HDAC9: variants seen among roughly 807,000 people sequenced by gnomAD.
HDAC9 encodes MEF-2 interacting transcription repressor (MITR) protein.
HDAC9 carries 41 observed loss-of-function variants against 139.4 expected under a neutral mutation model. The ratio of observed to expected loss-of-function variants is 0.29; its 90% CI spans 0.23 to 0.38. The LOEUF (loss-of-function observed/expected upper bound fraction) is 0.38, where lower values mean the gene tolerates loss of function less well. Among genes scored for constraint, HDAC9 ranks in the 10% least tolerant of loss-of-function variants. The probability of loss-of-function intolerance (pLI) is 1.00; values close to 1 mark genes in which losing one functional copy is unlikely to be tolerated. For synonymous variants in HDAC9, 517 were observed against 476.2 expected (o/e 1.09, Z -1.12); for missense variants, 1,147 against 1,297.0 (o/e 0.88, Z 1.78).
intron 2 of HDAC9, among the ~76,000 whole-genome samples, chr7:18,231,258 G>T (rs184364641): frequency 5.2e-4 from 79 of 152,288 alleles, no homozygotes; most frequent in Non-Finnish European, 9.6e-4. Flanking sequence ...AATTAAATTG[G>T]ATTGCCCTTT....
intron 12 of HDAC9, among the ~76,000 whole-genome samples, chr7:18,702,090 A>G (rs540718054): frequency 6.6e-6 from 1 of 150,606 alleles, no homozygotes; most frequent in East Asian, 2.0e-4. Context: ...ATTTGGAAGC[A>G]AAGAAGCAGG....
intron 4 of HDAC9, 146 bp downstream of exon 4, chr7:18,590,632 A>G (rs1196316483): frequency 3.7e-6 from 3 of 818,108 alleles, no homozygotes; most frequent in Non-Finnish European, 5.6e-6. Flanking sequence ...CCCAACTGTA[A>G]AGTTTTGACA....
At chr7:18,334,556 G>A (rs1443625220) in intron 1 of HDAC9, among the ~76,000 whole-genome samples, 1 of 151,384 alleles carries the variant, frequency 6.6e-6, no homozygotes, top group Non-Finnish European at 1.5e-5. Flanking sequence ...AAGATTATTG[G>A]TGATGGTCAC....
chr7:18,685,165 C>T (rs1163970525), intron 12 of HDAC9, among the ~76,000 whole-genome samples: 1 of 151,996 alleles, frequency 6.6e-6, no homozygotes. Flanking sequence ...AAAAGACTGT[C>T]AAACAGCAGT....
In HDAC9 at chr7:18,416,536, A is replaced by G. The variant is rs1465615610; in HGVS notation, c.-41-79726A>G. ...TGCAAGTGAAGTCATCAGGCCTCGTATTTTCTCTGTGGGAAGGTGTTTTGC... is the reference window on the plus strand; with the variant it reads ...TGCAAGTGAAGTCATCAGGCCTCGTGTTTTCTCTGTGGGAAGGTGTTTTGC... On this transcript the variant is annotated intron_variant, in intron 1 of 3. Coordinates refer to the HDAC9 transcript ENST00000413509. Among the ~76,000 whole-genome samples, 4 of 151,906 alleles carry G rather than the reference A, an allele frequency of 2.6e-5. No individual in the cohort carries two copies. In the East Asian group the frequency reaches 7.8e-4, roughly 29 times the overall value.
At chr7:18,867,178 C>T (rs988216118) in intron 21 of HDAC9, among the ~76,000 whole-genome samples, 2 of 152,160 alleles carry the variant, frequency 1.3e-5, no homozygotes, top group Non-Finnish European at 2.9e-5. Context: ...GAGGGTTGTT[C>T]TTCAAGAAGA....
At chr7:18,801,463 A>G (rs1430524925) in intron 17 of HDAC9, among the ~76,000 whole-genome samples, 1 of 152,032 alleles carries the variant, frequency 6.6e-6, no homozygotes, top group Non-Finnish European at 1.5e-5. Flanking sequence ...ATTTATTATC[A>G]TTGTTATGCA....
intron 17 of HDAC9, among the ~76,000 whole-genome samples, chr7:18,798,723 T>C (rs879570378): frequency 1.3e-5 from 2 of 152,140 alleles, no homozygotes; most frequent in African/African-American, 4.8e-5. Context: ...GAAAAATTAG[T>C]GGCGATCACT....
intron 1 of HDAC9, among the ~76,000 whole-genome samples, chr7:18,340,341 G>A (rs911150535): frequency 6.6e-6 from 1 of 151,514 alleles, no homozygotes; most frequent in Non-Finnish European, 1.5e-5. Flanking sequence ...AAATTGGAAT[G>A]TTTAGACCAT....
chr7:18,746,333 C>G, intron 13 of HDAC9, among the ~76,000 whole-genome samples: 1 of 152,232 alleles, frequency 6.6e-6, no homozygotes, highest in South Asian at 2.1e-4. Flanking sequence ...TGTGAAGACA[C>G]GTCTTACACA....
intron 2 of HDAC9, among the ~76,000 whole-genome samples, chr7:18,183,681 C>T (rs905910253): frequency 6.6e-6 from 1 of 152,092 alleles, no homozygotes; most frequent in Non-Finnish European, 1.5e-5. Context: ...ATGGGGGTCT[C>T]GCTATGTTGC....
intron 1 of HDAC9, among the ~76,000 whole-genome samples, chr7:18,458,026 T>A (rs965670391): frequency 2.0e-5 from 3 of 152,158 alleles, no homozygotes; most frequent in African/African-American, 7.2e-5. Flanking sequence ...GGGTTGGTTT[T>A]TATAAAAACG....
chr7:18,583,657 G>A (rs1828522979), intron 2 of HDAC9, among the ~76,000 whole-genome samples: 1 of 152,118 alleles, frequency 6.6e-6, no homozygotes, highest in South Asian at 2.1e-4. Context: ...GGGAGGCTGA[G>A]GCAGAAGGAT....
rs1775856388 is a variant in HDAC9, at chr7:18,349,127, A to G, written c.-42+58612A>G. ...ATGGTTTTCTGTCACTCAGAGTAAA[A>G]TTCAGCTTCTTTACTTACTAAGGCC... On this transcript the variant is annotated intron_variant, in intron 1 of 3. Coordinates refer to the HDAC9 transcript ENST00000413509. 2.6e-5 allele frequency among the ~76,000 whole-genome samples: 4 copies of G among 152,028 alleles called. No individual in the cohort carries two copies. The South Asian group carries it at 8.3e-4, about 32-fold the overall frequency.
At chr7:18,603,716 G>T (rs1289149468) in intron 6 of HDAC9, among the ~76,000 whole-genome samples, 2 of 151,958 alleles carry the variant, frequency 1.3e-5, no homozygotes, top group Non-Finnish European at 2.9e-5. Context: ...AAAAATAAAA[G>T]ATTTTCTTTT....
chr7:18,763,623 A>G (rs1038048453), intron 15 of HDAC9, among the ~76,000 whole-genome samples: 5 of 152,158 alleles, frequency 3.3e-5, no homozygotes, highest in Non-Finnish European at 5.9e-5. Context: ...CTTTTGCTGC[A>G]AATATTGTAT....
chr7:18,150,170 T>A (rs1313094339), intron 1 of HDAC9, among the ~76,000 whole-genome samples: 1 of 152,068 alleles, frequency 6.6e-6, no homozygotes, highest in Non-Finnish European at 1.5e-5. Context: ...TCTTCATTTT[T>A]AAATAAAGAG....
intron 2 of HDAC9, among the ~76,000 whole-genome samples, chr7:18,176,528 T>A (rs1165292136): frequency 6.6e-6 from 1 of 152,232 alleles, no homozygotes; most frequent in African/African-American, 2.4e-5. Context: ...GTTAACTAGA[T>A]CTTCCAAAAG....
chr7:18,741,564 A>G lies in HDAC9; in HGVS notation c.1910-7441A>G, dbSNP rs186337510. Among the ~76,000 whole-genome samples the G allele has an allele frequency of 3.9e-5, 6 of 152,346 alleles. No individual in the cohort carries two copies. In the East Asian group the frequency reaches 1.2e-3, roughly 29 times the overall value. On this transcript the variant is annotated intron_variant, in intron 13 of 25. Coordinates refer to ENST00000686413, the MANE Select transcript of HDAC9 (RefSeq NM_178425.4). ...TGGTCACCCAAGAACTCTGATGGAC[A>G]TGTGCAATGAGATTAAGTTTTCATA...
Sources: gnomAD v4.1 joint callset for allele counts (sites outside exome capture counted in the v4.1 genomes callset) on GRCh38, gnomAD v4.1.1 for gene constraint, MANE v1.5 for transcripts, NCBI Gene and HGNC (gene_info 2026-07-23, HGNC 2026-07-21) for gene names.